Variants in ENOX2 observed in about 807,000 individuals in gnomAD.
ENOX2 encodes the protein ecto-NOX disulfide-thiol exchanger 2.
Under a neutral mutation model 45.0 loss-of-function variants are expected in ENOX2, and 36 were observed. The observed-to-expected ratio is 0.80, with a 90% confidence interval of 0.61 to 1.06. ENOX2 has a LOEUF of 1.06. ENOX2 is among the 50% of genes least tolerant of loss of function. The pLI is 0.00. For missense variants in ENOX2, 423 were observed against 462.5 expected (o/e 0.91, Z 0.78); for synonymous variants, 174 against 152.3 (o/e 1.14, Z -1.05).
intron 2 of ENOX2, among the ~76,000 whole-genome samples, chrX:130,832,209 TA>T (rs1449885369): frequency 4.5e-5 from 5 of 111,293 alleles, no homozygotes; most frequent in Non-Finnish European, 9.4e-5. Flanking sequence ...TTTACTTGGT[TA>T]TTTTTTTCCT....
At chrX:130,847,843 T>C (rs1025504179) in intron 2 of ENOX2, among the ~76,000 whole-genome samples, 16 of 112,125 alleles carry the variant, frequency 1.4e-4, no homozygotes, top group Admixed American at 7.5e-4. Context: ...TCCAGTATTA[T>C]TCTAGGCTAG....
intron 3 of ENOX2, among the ~76,000 whole-genome samples, chrX:130,756,101 C>T (rs2039348465): frequency 8.9e-6 from 1 of 112,132 alleles, no homozygotes; most frequent in Non-Finnish European, 1.9e-5. Flanking sequence ...CATCTGCAAA[C>T]CTCTGCTTTC....
intron 2 of ENOX2, among the ~76,000 whole-genome samples, chrX:130,825,056 A>T (rs1006953285): frequency 9.0e-6 from 1 of 111,342 alleles, no homozygotes; most frequent in Non-Finnish European, 1.9e-5. Flanking sequence ...GACATGAAAA[A>T]ATGATGTGTA....
At chrX:130,865,826 T>G (rs1236785687) in intron 2 of ENOX2, among the ~76,000 whole-genome samples, 1 of 111,368 alleles carries the variant, frequency 9.0e-6, no homozygotes, top group Non-Finnish European at 1.9e-5. Flanking sequence ...TTCAGCCTTC[T>G]TCAGGGGCTC....
intron 2 of ENOX2, among the ~76,000 whole-genome samples, chrX:130,894,531 C>A (rs993989751): frequency 9.3e-5 from 10 of 107,320 alleles, no homozygotes; most frequent in Non-Finnish European, 1.7e-4. Flanking sequence ...TTCTTTATAC[C>A]ATTCTTTCAA....
intron 2 of ENOX2, among the ~76,000 whole-genome samples, chrX:130,848,989 G>A (rs1359365899): frequency 1.8e-5 from 2 of 111,819 alleles, no homozygotes; most frequent in East Asian, 5.6e-4. Context: ...TAAGCCCAAA[G>A]AAACCATAGC....
intron 6 of ENOX2, among the ~76,000 whole-genome samples, chrX:130,675,721 G>T (rs1221213797): frequency 2.7e-5 from 3 of 111,646 alleles, no homozygotes; most frequent in African/African-American, 6.5e-5. Flanking sequence ...TGCCTGAAGG[G>T]AGAGTGGTGA....
intron 5 of ENOX2, among the ~76,000 whole-genome samples, chrX:130,683,657 T>C (rs959065657): frequency 4.5e-5 from 5 of 111,183 alleles, no homozygotes; most frequent in Non-Finnish European, 9.4e-5. Context: ...GTGAAAAATC[T>C]TGGCAAAATC....
At chrX:130,700,375 G>C (rs180749079) in intron 4 of ENOX2, among the ~76,000 whole-genome samples, 111 of 112,280 alleles carry the variant, frequency 9.9e-4, no homozygotes, top group African/African-American at 3.3e-3. Flanking sequence ...TTTCCCTGGA[G>C]CATGGTGGCA....
chrX:130,736,106 G>A (rs2038853931), intron 3 of ENOX2, among the ~76,000 whole-genome samples: 1 of 111,699 alleles, frequency 9.0e-6, no homozygotes, highest in African/African-American at 3.3e-5. Flanking sequence ...TCTCATGCCT[G>A]TAATCCCAAC....
At chrX:130,663,531 CA>C (rs771813859) in intron 9 of ENOX2, among the ~76,000 whole-genome samples, 456 of 43,030 alleles carry the variant, frequency 0.011, 1 homozygote, top group African/African-American at 0.035. Flanking sequence ...ACTCCGTCTC[CA>C]AAAAAAAAAA....
intron 2 of ENOX2, among the ~76,000 whole-genome samples, chrX:130,837,058 G>C (rs2077939798): frequency 8.9e-6 from 1 of 112,046 alleles, no homozygotes; most frequent in Non-Finnish European, 1.9e-5. Context: ...GCATATGGCA[G>C]GTTGATACTA....
chrX:130,896,072 CACTTT>C (rs1419653087), intron 2 of ENOX2, among the ~76,000 whole-genome samples: 2 of 111,978 alleles, frequency 1.8e-5, no homozygotes, highest in Admixed American at 9.4e-5. Flanking sequence ...GACTGGTAAA[CACTTT>C]ACTTTTTTGC....
intron 3 of ENOX2, among the ~76,000 whole-genome samples, chrX:130,715,983 T>A (rs1300818204): frequency 9.0e-6 from 1 of 111,642 alleles, no homozygotes; most frequent in East Asian, 2.8e-4. Context: ...ACCTCTGATA[T>A]CTTATGGAAA....
intron 3 of ENOX2, among the ~76,000 whole-genome samples, chrX:130,723,301 C>T (rs1039269866): frequency 8.9e-6 from 1 of 112,144 alleles, no homozygotes; most frequent in Non-Finnish European, 1.9e-5. Flanking sequence ...CAGGGGGAAT[C>T]AGTGTTCCAG....
intron 3 of ENOX2, among the ~76,000 whole-genome samples, chrX:130,774,201 G>A (rs1292352769): frequency 8.9e-6 from 1 of 112,060 alleles, no homozygotes; most frequent in Non-Finnish European, 1.9e-5. Context: ...AATCACAGTG[G>A]CCTAGGTACA....
intron 3 of ENOX2, among the ~76,000 whole-genome samples, chrX:130,745,581 T>C (rs1020020313): frequency 8.9e-6 from 1 of 112,123 alleles, no homozygotes; most frequent in African/African-American, 3.2e-5. Flanking sequence ...TAAAAAGTGC[T>C]CCTCTTCTTT....
intron 12 of ENOX2, 27 bp from the exon 13 acceptor site, chrX:130,631,603 A>C (rs2035726217): frequency 1.1e-6 from 1 of 928,743 alleles, no homozygotes; most frequent in Non-Finnish European, 1.6e-6. Flanking sequence ...CTTCTAGGTC[A>C]GTTCACTTTA....
At chrX:130,889,571 A>G (rs1237659799) in intron 2 of ENOX2, among the ~76,000 whole-genome samples, 1 of 111,508 alleles carries the variant, frequency 9.0e-6, no homozygotes, top group East Asian at 2.8e-4. Context: ...AGGGGAGAAA[A>G]AGACAAGAGA....
Sources: gnomAD v4.1 joint callset for allele counts (sites outside exome capture counted in the v4.1 genomes callset) on GRCh38, gnomAD v4.1.1 for gene constraint, MANE v1.5 for transcripts, NCBI Gene and HGNC (gene_info 2026-07-23, HGNC 2026-07-21) for gene names.